The following ADAMTSL1 variants were observed in gnomAD, a reference collection of about 807,000 sequenced individuals.
The protein encoded by ADAMTSL1 is ADAMTS like 1.
Under a neutral mutation model 201.8 loss-of-function variants are expected in ADAMTSL1, and 126 were observed. That is an observed-to-expected ratio of 0.62 (90% CI 0.54 to 0.72). The LOEUF is 0.72. ADAMTSL1 is among the 30% of genes least tolerant of loss of function. The pLI is 0.00. For synonymous variants in ADAMTSL1, 1,121 were observed against 903.4 expected (o/e 1.24, Z -4.32); for missense variants, 2,679 against 2,277.8 (o/e 1.18, Z -3.59).
At chr9:18,017,390 G>A (rs969757004) in intron 1 of ADAMTSL1, among the ~76,000 whole-genome samples, 1 of 151,786 alleles carries the variant, frequency 6.6e-6, no homozygotes, top group African/African-American at 2.4e-5. Flanking sequence ...TTTAACACCT[G>A]CTTAGTTTCA....
At chr9:18,061,535 T>A (rs1822455350) in intron 1 of ADAMTSL1, among the ~76,000 whole-genome samples, 1 of 152,200 alleles carries the variant, frequency 6.6e-6, no homozygotes, top group African/African-American at 2.4e-5. Flanking sequence ...TATAAAATAT[T>A]AGTGTGCCAT....
intron 2 of ADAMTSL1, among the ~76,000 whole-genome samples, chr9:18,402,173 C>T (rs983743038): frequency 6.6e-6 from 1 of 152,192 alleles, no homozygotes; most frequent in African/African-American, 2.4e-5. Flanking sequence ...TTATTCCACA[C>T]CTGCTTTGCT....
intron 15 of ADAMTSL1, among the ~76,000 whole-genome samples, chr9:18,750,034 G>A (rs542679036): frequency 1.3e-5 from 2 of 152,328 alleles, no homozygotes; most frequent in Non-Finnish European, 2.9e-5. Flanking sequence ...AATTAGCTGT[G>A]TAGGCAGCTA....
At chr9:18,466,896 T>C (rs1821028085) in intron 2 of ADAMTSL1, among the ~76,000 whole-genome samples, 2 of 152,194 alleles carry the variant, frequency 1.3e-5, no homozygotes, top group Admixed American at 6.5e-5. Flanking sequence ...CGTGGTTTAA[T>C]TGCTGCTCTG....
At chr9:18,124,338 C>T (rs1450725550) in intron 1 of ADAMTSL1, among the ~76,000 whole-genome samples, 1 of 152,062 alleles carries the variant, frequency 6.6e-6, no homozygotes, top group Non-Finnish European at 1.5e-5. Flanking sequence ...TCTTCAGCCT[C>T]CCAAAGTGCT....
At chr9:18,291,747 T>A (rs202183007) in intron 2 of ADAMTSL1, among the ~76,000 whole-genome samples, 24,337 of 99,084 alleles carry the variant, frequency 0.25, 2,774 homozygotes, top group African/African-American at 0.35. Context: ...TCTCTCTCTC[T>A]CACACACACA....
At chr9:18,632,059 G>C (rs1192571141) in intron 5 of ADAMTSL1, among the ~76,000 whole-genome samples, 1 of 152,184 alleles carries the variant, frequency 6.6e-6, no homozygotes, top group East Asian at 1.9e-4. Flanking sequence ...GTGCAGCACG[G>C]TGGGAGAGGA....
intron 1 of ADAMTSL1, among the ~76,000 whole-genome samples, chr9:17,928,861 G>A (rs1283146891): frequency 6.6e-6 from 1 of 152,212 alleles, no homozygotes; most frequent in African/African-American, 2.4e-5. Flanking sequence ...ATGGCATGGT[G>A]TGTGGAGCAA....
At chr9:18,311,578 A>G (rs994016620) in intron 2 of ADAMTSL1, among the ~76,000 whole-genome samples, 1 of 152,134 alleles carries the variant, frequency 6.6e-6, no homozygotes, top group Non-Finnish European at 1.5e-5. Context: ...GAACTGCTGA[A>G]CATCATGAAC....
intron 2 of ADAMTSL1, among the ~76,000 whole-genome samples, chr9:18,357,527 T>C (rs943740033): frequency 6.6e-6 from 1 of 152,202 alleles, no homozygotes; most frequent in African/African-American, 2.4e-5. Context: ...TTGGTGAGTA[T>C]TTTGCAAGCA....
chr9:18,613,469 C>T (rs779449621), intron 4 of ADAMTSL1, among the ~76,000 whole-genome samples: 1 of 152,088 alleles, frequency 6.6e-6, no homozygotes, highest in South Asian at 2.1e-4. Flanking sequence ...ACCTAAATGC[C>T]CATCAATGAT....
At chr9:18,037,042 T>C (rs1821230101) in intron 1 of ADAMTSL1, among the ~76,000 whole-genome samples, 1 of 152,200 alleles carries the variant, frequency 6.6e-6, no homozygotes, top group South Asian at 2.1e-4. Flanking sequence ...ATGTGTCGTC[T>C]AATCTCTTGT....
rs904552878 is a variant in ADAMTSL1, at chr9:18,211,637, G to A, written c.207+47656G>A. On this transcript the variant is annotated intron_variant, in intron 2 of 29. Transcript: ENST00000680146. The stretch of plus-strand genomic sequence containing the variant: ...AAGTACCTAAATCAATATCCAATGT[G>A]CCTTCAGTTGCAAAAATGTGGCAAT... Among the ~76,000 whole-genome samples the A allele has an allele frequency of 2.0e-5, 3 of 152,212 alleles. No individual in the cohort carries two copies. The East Asian group carries it at 5.8e-4, about 29-fold the overall frequency.
At chr9:18,092,916 T>A (rs1824090011) in intron 1 of ADAMTSL1, among the ~76,000 whole-genome samples, 1 of 152,212 alleles carries the variant, frequency 6.6e-6, no homozygotes, top group South Asian at 2.1e-4. Flanking sequence ...CAAAATGGAC[T>A]TGGCAACAAG....
intron 1 of ADAMTSL1, among the ~76,000 whole-genome samples, chr9:18,062,529 C>G (rs1190383267): frequency 1.3e-5 from 2 of 151,904 alleles, no homozygotes; most frequent in African/African-American, 2.4e-5. Flanking sequence ...TACAGGCTAC[C>G]TAATATGTTT....
At chr9:18,085,486 T>TATGTATATATATACTGTGTGTGC (rs1554692339) in intron 1 of ADAMTSL1, among the ~76,000 whole-genome samples, 24 of 144,876 alleles carry the variant, frequency 1.7e-4, no homozygotes, top group African/African-American at 5.4e-4. Flanking sequence ...TGTGTGCATA[T>TATGTATATATATACTGTGTGTGC]ATATATATAT....
chr9:18,898,261 G>A (rs1418262447), intron 26 of ADAMTSL1, among the ~76,000 whole-genome samples: 3 of 152,172 alleles, frequency 2.0e-5, no homozygotes, highest in Non-Finnish European at 4.4e-5. Flanking sequence ...CAAAGAAGCC[G>A]AGAATCACAA....
At chr9:18,029,267 A>G (rs1012530720) in intron 1 of ADAMTSL1, among the ~76,000 whole-genome samples, 2 of 152,030 alleles carry the variant, frequency 1.3e-5, no homozygotes, top group Non-Finnish European at 2.9e-5. Context: ...CTCCTGCCTC[A>G]TTGCCCTGGC....
chr9:18,896,440 C>T (rs1240876433), intron 26 of ADAMTSL1, among the ~76,000 whole-genome samples: 1 of 151,986 alleles, frequency 6.6e-6, no homozygotes, highest in African/African-American at 2.4e-5. Flanking sequence ...GGGGGAGGGG[C>T]CAAGATGGCT....
Sources: gnomAD v4.1 joint callset for allele counts (sites outside exome capture counted in the v4.1 genomes callset) on GRCh38, gnomAD v4.1.1 for gene constraint, MANE v1.5 for transcripts, NCBI Gene and HGNC (gene_info 2026-07-23, HGNC 2026-07-21) for gene names.